RAB31: variants seen among roughly 807,000 people sequenced by gnomAD.
RAB31 encodes ras-related protein Rab-31.
Under a neutral mutation model 25.6 loss-of-function variants are expected in RAB31, and 21 were observed. That is an observed-to-expected ratio of 0.82 (90% confidence interval 0.58 to 1.18). RAB31 has a LOEUF of 1.18. Among genes scored for constraint, RAB31 ranks in the 50% most tolerant of loss-of-function variants. The pLI, the probability that RAB31 is intolerant of heterozygous loss-of-function variation, is 0.00. For synonymous variants in RAB31, 87 were observed against 84.0 expected, an observed-to-expected ratio of 1.04 and a Z score of -0.20; for missense variants, 196 against 250.1, an observed-to-expected ratio of 0.78 and a Z score of 1.46.
chr18:9,847,223 G>T (rs2068766400), intron 6 of RAB31, among the ~76,000 whole-genome samples: 1 of 152,210 alleles, frequency 6.6e-6, no homozygotes. Context: ...GGTGGCGTTA[G>T]GCTCTTCTGC....
At chr18:9,827,002 C>T (rs770693398) in intron 5 of RAB31, among the ~76,000 whole-genome samples, 6 of 152,146 alleles carry the variant, frequency 3.9e-5, no homozygotes, top group Non-Finnish European at 7.3e-5. Context: ...GGAGAAATTA[C>T]TCCAACCCCA....
At chr18:9,820,639 AT>A (rs1483413332) in intron 5 of RAB31, among the ~76,000 whole-genome samples, 6 of 151,996 alleles carry the variant, frequency 3.9e-5, no homozygotes, top group African/African-American at 1.4e-4. Flanking sequence ...TTTAAGTGTT[AT>A]CTAATTTGCT....
At chr18:9,761,806 G>GTTTA (rs1057200489) in intron 1 of RAB31, among the ~76,000 whole-genome samples, 94 of 152,220 alleles carry the variant, frequency 6.2e-4, no homozygotes, top group East Asian at 2.5e-3. Context: ...TCTTTCATTT[G>GTTTA]TTTATTTATT....
intron 1 of RAB31, among the ~76,000 whole-genome samples, chr18:9,741,536 C>T (rs1446403411): frequency 6.6e-6 from 1 of 152,178 alleles, no homozygotes; most frequent in African/African-American, 2.4e-5. Flanking sequence ...TGGAGCTTTC[C>T]TGCCAGCCAC....
intron 1 of RAB31, among the ~76,000 whole-genome samples, chr18:9,709,441 G>A (rs2068004986): frequency 6.6e-6 from 1 of 152,306 alleles, no homozygotes; most frequent in African/African-American, 2.4e-5. Context: ...TCCTAAAAAA[G>A]GGCAGCGAAA....
At position 9,794,575 on chromosome 18, in the gene RAB31, G is replaced by C. The variant is rs192297175; in HGVS notation, c.201+2340G>C. ...CTCATGCCTGCAATCCCAGCACTTT[G>C]GGAGGCTGAGATGAGTGGATCATGA... is the stretch of plus-strand genomic sequence containing the variant. On this transcript the variant is annotated intron_variant, in intron 3 of 6. Transcript: ENST00000578921. Among the ~76,000 whole-genome samples, 441 of 152,290 alleles carry C rather than the reference G, an allele frequency of 2.9e-3. 3 individuals carry two copies. The highest frequency in any genetic ancestry group is 9.6e-3 in the African/African-American group (401 of 41,566).
chr18:9,724,849 G>A (rs767911147), intron 1 of RAB31, among the ~76,000 whole-genome samples: 9 of 152,136 alleles, frequency 5.9e-5, no homozygotes, highest in South Asian at 2.1e-4. Context: ...ACCTATTGCC[G>A]CATAACAAAC....
At chr18:9,789,712 G>A (rs2068450602) in intron 2 of RAB31, among the ~76,000 whole-genome samples, 2 of 151,966 alleles carry the variant, frequency 1.3e-5, no homozygotes, top group Non-Finnish European at 1.5e-5. Context: ...TTTTAAAATG[G>A]GAAAAGTAAT....
At chr18:9,765,212 C>A (rs1290214733) in intron 1 of RAB31, among the ~76,000 whole-genome samples, 1 of 152,198 alleles carries the variant, frequency 6.6e-6, no homozygotes, top group African/African-American at 2.4e-5. Flanking sequence ...CTTGGTCTCC[C>A]AAAGTGCTGG....
At chr18:9,799,776 T>C (rs1055535077) in intron 3 of RAB31, among the ~76,000 whole-genome samples, 1 of 152,258 alleles carries the variant, frequency 6.6e-6, no homozygotes, top group East Asian at 1.9e-4. Flanking sequence ...GTGCATCTAT[T>C]AACAAAAATG....
At chr18:9,832,023 G>T (rs2143109354) in intron 5 of RAB31, among the ~76,000 whole-genome samples, 1 of 152,358 alleles carries the variant, frequency 6.6e-6, no homozygotes, top group Admixed American at 6.5e-5. Flanking sequence ...GGACGGCAGT[G>T]CTAGTGATGG....
At chr18:9,716,934 T>TTTCTTTCTTTCTTTC (rs763677584) in intron 1 of RAB31, among the ~76,000 whole-genome samples, 61 of 125,570 alleles carry the variant, frequency 4.9e-4, no homozygotes, top group South Asian at 3.4e-3. Flanking sequence ...TTCTTTCTTT[T>TTTCTTTCTTTCTTTC]TTTTTTGGTA....
intron 1 of RAB31, among the ~76,000 whole-genome samples, chr18:9,745,049 C>CAA (rs1257695747): frequency 6.6e-6 from 1 of 151,988 alleles, no homozygotes; most frequent in Non-Finnish European, 1.5e-5. Context: ...ACAAAATCAA[C>CAA]ATACCTTAAG....
chr18:9,780,236 G>A (rs1207795543), intron 2 of RAB31, among the ~76,000 whole-genome samples: 1 of 150,578 alleles, frequency 6.6e-6, no homozygotes, highest in African/African-American at 2.4e-5. Context: ...CAGAATTCAT[G>A]AAACTAGGAA....
intron 1 of RAB31, among the ~76,000 whole-genome samples, chr18:9,772,463 G>A (rs910076967): frequency 3.9e-5 from 6 of 152,222 alleles, no homozygotes; most frequent in African/African-American, 9.6e-5. Flanking sequence ...TCCTCCTGCC[G>A]TGTGCCTGGC....
intron 3 of RAB31, among the ~76,000 whole-genome samples, chr18:9,801,946 C>T (rs1488481671): frequency 6.6e-6 from 1 of 152,162 alleles, no homozygotes; most frequent in East Asian, 1.9e-4. Context: ...TATTCTTTGC[C>T]CGATTGTCTT....
rs932769061 is a variant in RAB31 at position 9,861,683 on chromosome 18, A to G, written c.*2358A>G. On this transcript the variant is annotated 3_prime_UTR_variant, in exon 7 of 7. Coordinates refer to ENST00000578921, the MANE Select transcript of RAB31 (RefSeq NM_006868.4). Reference sequence around the variant, plus strand: ...GGCCTGGAAATTACTGTTGCTAAAAAAAGTCATGTAGTTTCATGTAGTGTA... The same window carrying G: ...GGCCTGGAAATTACTGTTGCTAAAAGAAGTCATGTAGTTTCATGTAGTGTA... The G allele has an allele frequency of 6.6e-6, 1 of 152,236 alleles. No individual in the cohort carries two copies. Among genetic ancestry groups the G allele is most frequent in the Non-Finnish European group, 1.5e-5 (1 of 68,042 alleles). The allele number at this position is 152,236 out of a possible 1,614,324, so 9.4% of individuals were successfully genotyped here. A position where few individuals can be genotyped will look rare whatever the true frequency, so the allele number is the denominator to read the frequency against.
chr18:9,836,379 T>C (rs922623213), intron 5 of RAB31, among the ~76,000 whole-genome samples: 4 of 152,158 alleles, frequency 2.6e-5, no homozygotes, highest in African/African-American at 7.2e-5. Context: ...ATGAGTCCAC[T>C]CTTCTTTTTA....
At chr18:9,815,056 C>A in intron 4 of RAB31, 60 bp from the exon 5 acceptor site, 1 of 1,218,608 alleles carries the variant, frequency 8.2e-7, no homozygotes, top group Non-Finnish European at 1.2e-6. Flanking sequence ...TGTATTTCTG[C>A]TTAGTTGAAA....
Sources: gnomAD v4.1 joint callset for allele counts (sites outside exome capture counted in the v4.1 genomes callset) on GRCh38, gnomAD v4.1.1 for gene constraint, MANE v1.5 for transcripts, NCBI Gene and HGNC (gene_info 2026-07-23, HGNC 2026-07-21) for gene names.